Variants in LMAN2 observed in about 807,000 individuals in gnomAD.
LMAN2 encodes vesicular integral-membrane protein VIP36.
A neutral mutation model predicts 39.3 loss-of-function variants in LMAN2; 22 were observed. The ratio of observed to expected loss-of-function variants is 0.56; its 90% CI spans 0.40 to 0.80. The LOEUF (loss-of-function observed/expected upper bound fraction) is 0.80, where lower values mean the gene tolerates loss of function less well. Ranked by LOEUF, LMAN2 falls within the 30% of genes least tolerant of loss-of-function variation. LMAN2 has a pLI of 0.00. For missense variants in LMAN2, 494 were observed against 505.4 expected, an observed-to-expected ratio of 0.98 and a Z score of 0.22; for synonymous variants, 207 against 207.8, an observed-to-expected ratio of 1.00 and a Z score of 0.03.
At position 177,332,787 on chromosome 5, in the gene LMAN2, T is replaced by A. The variant is rs1193094739; in HGVS notation, c.911-541A>T. 1.3e-5 allele frequency among the ~76,000 whole-genome samples: 2 copies of A among 152,120 alleles called. No homozygotes were observed. Among genetic ancestry groups the A allele is most frequent in the Non-Finnish European group, 2.9e-5 (2 of 68,004 alleles). ...CCCACAGGTCCTGCCCATCCTGGGA[T>A]GGGGCCCACTGGTACGCTCCCTTGT... On this transcript the variant is annotated intron_variant, in intron 7 of 7. Coordinates refer to ENST00000303127, the MANE Select transcript of LMAN2 (RefSeq NM_006816.3). This position sits in a 1 kb window ranked among gnomAD's most constrained non-coding sequence, Gnocchi z 6.3.
chr5:177,334,703 G>A (rs536200523), intron 6 of LMAN2, among the ~76,000 whole-genome samples: 11 of 152,382 alleles, frequency 7.2e-5, no homozygotes, highest in African/African-American at 2.4e-4. Context: ...ATGTAGAGGA[G>A]TGATGATCTC....
Position 177,331,934 on chromosome 5 carries a change from TG to T in LMAN2, c.*151del. On this transcript the variant is annotated 3_prime_UTR_variant, in exon 8 of 8. Coordinates refer to ENST00000303127, the MANE Select transcript of LMAN2 (RefSeq NM_006816.3). ...CCTCGGCTCTGCCACCTGTCCCTGC[TG>T]GGCAAGAAGCAAAATGTATGAAAAT... The T allele has an allele frequency of 1.0e-6, 1 of 961,386 alleles. No homozygotes were observed. The highest frequency in any genetic ancestry group is 1.5e-6 in the Non-Finnish European group (1 of 675,730). 59.6% of individuals were successfully genotyped at this position (961,386 alleles called of 1,614,324 possible). A position where few individuals can be genotyped will look rare whatever the true frequency, so the allele number is the denominator to read the frequency against.
intron 2 of LMAN2, among the ~76,000 whole-genome samples, chr5:177,342,406 G>A (rs760352274): frequency 1.1e-4 from 17 of 152,128 alleles, no homozygotes; most frequent in Non-Finnish European, 2.2e-4. Flanking sequence ...AAACCTGGCC[G>A]GTTGCAGTGG....
At chr5:177,338,987 G>A (rs770141474) in intron 2 of LMAN2, among the ~76,000 whole-genome samples, 5 of 152,332 alleles carry the variant, frequency 3.3e-5, no homozygotes, top group South Asian at 2.1e-4. Context: ...TTCTGCAGAC[G>A]TTACAACTCC....
At chr5:177,334,508 C>A in intron 6 of LMAN2, 105 bp from the exon 7 acceptor site, 1 of 1,481,172 alleles carries the variant, frequency 6.8e-7, no homozygotes, top group South Asian at 1.3e-5. Context: ...AGTAAACCTG[C>A]CAGGCCCCTG....
At chr5:177,334,660 T>C (rs2127313915) in intron 6 of LMAN2, 1 of 392,966 alleles carries the variant, frequency 2.5e-6, no homozygotes, top group Non-Finnish European at 4.7e-6. Context: ...AATCCTGGGG[T>C]CTGCCGCCCT....
Position 177,337,198 on chromosome 5 carries a change from G to C in LMAN2, c.728C>G (p.Thr243Arg). 6.2e-7 allele frequency: 1 copy of C among 1,613,962 alleles called. No individual in the cohort carries two copies. Among genetic ancestry groups the C allele is most frequent in the Admixed American group, 1.7e-5 (1 of 60,012 alleles). The change falls in exon 6 of 8, where the codon ACG becomes AGG. Residue 243 changes from threonine (T) to arginine (R), a missense_variant. Thr to Arg is a moderately conservative substitution (Grantham distance 71). Transcript: ENST00000303127. The surrounding 1 kb of genome is among the most constrained non-coding windows in gnomAD (Gnocchi z 8.2). ...GTAGCCGGTGGGCAGGCGCACTCCCGTGATGTCAATGCAGTTCTTCCACTC... is the reference window on the plus strand; with the variant it reads ...GTAGCCGGTGGGCAGGCGCACTCCCCTGATGTCAATGCAGTTCTTCCACTC... The part of the protein sequence containing the change: ...KNEWKNCIDI[T>R]GVRLPTGYYF...
At chr5:177,336,246 G>A (rs779727593) in intron 6 of LMAN2, among the ~76,000 whole-genome samples, 1 of 152,148 alleles carries the variant, frequency 6.6e-6, no homozygotes, top group Non-Finnish European at 1.5e-5. Flanking sequence ...TGAAACAGCC[G>A]GGGCAGGAGG....
At chr5:177,342,555 G>A (rs532180771) in intron 2 of LMAN2, among the ~76,000 whole-genome samples, 4 of 152,028 alleles carry the variant, frequency 2.6e-5, no homozygotes, top group African/African-American at 7.2e-5. Context: ...GCCTGACTGC[G>A]CATGCCTGTA....
At position 177,332,207 on chromosome 5, in the gene LMAN2, G is replaced by C. The variant is rs750011041; in HGVS notation, c.950C>G (p.Pro317Arg). The change falls in exon 8 of 8, where the codon CCC becomes CGC. Residue 317 changes from proline to arginine, a missense_variant. Physicochemically the swap from Pro to Arg is moderately radical, Grantham distance 103. Coordinates refer to ENST00000303127, the MANE Select transcript of LMAN2 (RefSeq NM_006816.3). The surrounding 1 kb of genome is among the most constrained non-coding windows in gnomAD (Gnocchi z 6.3). The stretch of plus-strand genomic sequence containing the variant: ...CAGGAACACCCGCCACCCCGTCAGG[G>C]GCCCGCTGCGGAAGTTCCCCGTGGG... ...DDPTGNFRSG[P>R]LTGWRVFLLL... 4 of 1,613,212 alleles carry C rather than the reference G, an allele frequency of 2.5e-6. No individual in the cohort carries two copies. The East Asian group carries it at 8.9e-5, about 36-fold the overall frequency.
chr5:177,337,662 CCAGT>C lies in LMAN2; in HGVS notation c.513+40_513+43del. ...AGGGCCCCCTCCTCTAGCCGACTGC[CCAGT>C]CCTTCCTTTCCTGCTCAGCAGGATA... On this transcript the variant is annotated intron_variant, in intron 4 of 7. Transcript: ENST00000303127. This position sits in a 1 kb window ranked among gnomAD's most constrained non-coding sequence, Gnocchi z 8.2. 1 of 1,610,112 alleles carries C rather than the reference CCAGT, an allele frequency of 6.2e-7. No homozygotes were observed. The highest frequency in any genetic ancestry group is 8.5e-7 in the Non-Finnish European group (1 of 1,177,292).
chr5:177,334,482 A>AGCT, intron 6 of LMAN2, 79 bp from the exon 7 acceptor site: 1 of 1,528,296 alleles, frequency 6.5e-7, no homozygotes, highest in Non-Finnish European at 8.8e-7. Flanking sequence ...CCACAAGGAA[A>AGCT]GCTGCTGCTG....
intron 2 of LMAN2, among the ~76,000 whole-genome samples, chr5:177,350,819 C>T (rs887181205): frequency 6.6e-5 from 10 of 152,202 alleles, no homozygotes; most frequent in African/African-American, 2.4e-4. Flanking sequence ...CTTCCCATTA[C>T]TGAGGGGGTT....
intron 2 of LMAN2, among the ~76,000 whole-genome samples, chr5:177,343,857 T>C (rs963209297): frequency 1.3e-4 from 19 of 151,958 alleles, no homozygotes; most frequent in African/African-American, 4.4e-4. Context: ...AGACAGACGG[T>C]GGTGATGGCT....
chr5:177,342,894 C>T (rs1464926836), intron 2 of LMAN2, among the ~76,000 whole-genome samples: 4 of 151,514 alleles, frequency 2.6e-5, no homozygotes, highest in African/African-American at 7.3e-5. Context: ...GAAAAGACAA[C>T]CCACAGAATA....
intron 2 of LMAN2, among the ~76,000 whole-genome samples, chr5:177,339,000 T>C (rs917584426): frequency 6.6e-6 from 1 of 152,218 alleles, no homozygotes; most frequent in Non-Finnish European, 1.5e-5. Context: ...ACAACTCCTA[T>C]TTGAGCAAAG....
At position 177,345,735 on chromosome 5, in the gene LMAN2, G is replaced by GCATT. The variant is rs1491426548; in HGVS notation, c.315+5434_315+5437dup. Among the ~76,000 whole-genome samples, 563 of 110,412 alleles carry GCATT rather than the reference G, an allele frequency of 5.1e-3. 5 individuals are homozygous for GCATT. Among genetic ancestry groups the GCATT allele is most frequent in the Admixed American group, 0.017 (188 of 10,762 alleles). 72.4% of individuals were successfully genotyped at this position (110,412 alleles called of 152,430 possible). On this transcript the variant is annotated intron_variant, in intron 2 of 7. Transcript: ENST00000303127. ...GGAAGGCTCGCAGCAGCCATGGCAT[G>GCATT]CATTTATTTATTTATTTATTTATTT...
intron 2 of LMAN2, among the ~76,000 whole-genome samples, chr5:177,347,364 G>A (rs1458240456): frequency 6.6e-6 from 1 of 152,140 alleles, no homozygotes; most frequent in East Asian, 1.9e-4. Context: ...GACAGTGGAG[G>A]ACCTGGAAAC....
intron 2 of LMAN2, among the ~76,000 whole-genome samples, chr5:177,348,533 A>G (rs1283755021): frequency 1.3e-5 from 2 of 151,906 alleles, no homozygotes; most frequent in Non-Finnish European, 2.9e-5. Context: ...CTAAAAATAC[A>G]AAAAATTAGC....
Sources: gnomAD v4.1 joint callset for allele counts (sites outside exome capture counted in the v4.1 genomes callset) on GRCh38, gnomAD v4.1.1 for gene constraint, Gnocchi (gnomAD v3.1) non-coding constraint, MANE v1.5 for transcripts, NCBI Gene and HGNC (gene_info 2026-07-23, HGNC 2026-07-21) for gene names.